LRRC1: variants seen among roughly 807,000 people sequenced by gnomAD.
LRRC1 encodes the protein leucine-rich repeat-containing protein 1.
A neutral mutation model predicts 69.9 loss-of-function variants in LRRC1; 28 were observed. The observed-to-expected ratio is 0.40, with a 90% CI of 0.30 to 0.55. LRRC1 has a LOEUF of 0.55. Among genes scored for constraint, LRRC1 ranks in the 20% least tolerant of loss-of-function variants. The probability of loss-of-function intolerance (pLI) is 0.47; values close to 1 mark genes in which losing one functional copy is unlikely to be tolerated. For synonymous variants in LRRC1, 236 were observed against 240.2 expected (o/e 0.98, Z 0.16); for missense variants, 498 against 609.0 (o/e 0.82, Z 1.92).
chr6:53,842,848 T>C (rs756030859), intron 2 of LRRC1, among the ~76,000 whole-genome samples: 1 of 152,238 alleles, frequency 6.6e-6, no homozygotes, highest in Non-Finnish European at 1.5e-5. Context: ...GTGTGGTATA[T>C]TTGTGAGTTT....
chr6:53,902,912 A>G (rs1768104857), intron 9 of LRRC1, among the ~76,000 whole-genome samples, 165 bp downstream of exon 9: 2 of 152,214 alleles, frequency 1.3e-5, no homozygotes, highest in Non-Finnish European at 2.9e-5. Context: ...TTAAGCAAAG[A>G]AAGTGGTGCT....
At chr6:53,915,002 T>A (rs1768521091) in intron 11 of LRRC1, among the ~76,000 whole-genome samples, 1 of 152,190 alleles carries the variant, frequency 6.6e-6, no homozygotes, top group South Asian at 2.1e-4. Flanking sequence ...AACAAAAATG[T>A]TAATAGTTTT....
intron 10 of LRRC1, among the ~76,000 whole-genome samples, chr6:53,910,117 C>T (rs1356579328): frequency 5.9e-5 from 9 of 152,096 alleles, no homozygotes; most frequent in Admixed American, 5.2e-4. Context: ...CAGTGCATAA[C>T]AGCTAAGGAG....
chr6:53,898,896 T>G (rs1767959027), intron 7 of LRRC1, among the ~76,000 whole-genome samples: 2 of 152,170 alleles, frequency 1.3e-5, no homozygotes, highest in Admixed American at 1.3e-4. Flanking sequence ...CACAAGATGT[T>G]TTTTGAAAAG....
chr6:53,805,180 C>T (rs936467051), intron 1 of LRRC1, among the ~76,000 whole-genome samples: 6 of 152,310 alleles, frequency 3.9e-5, no homozygotes, highest in African/African-American at 1.4e-4. Flanking sequence ...CATGAATGTG[C>T]ATGCCAAGAG....
intron 3 of LRRC1, among the ~76,000 whole-genome samples, chr6:53,881,958 T>C (rs9349685): frequency 0.2 from 31,104 of 152,254 alleles, 3,945 homozygotes; most frequent in East Asian, 0.59. Flanking sequence ...CTGTAGACTT[T>C]AAGGGACATA....
At position 53,879,068 on chromosome 6, in the gene LRRC1, C is replaced by T; in HGVS notation, c.353C>T (p.Thr118Ile). 6.2e-7 allele frequency: 1 copy of T among 1,609,128 alleles called. No individual in the cohort carries two copies. Among genetic ancestry groups the T allele is most frequent in the Non-Finnish European group, 8.5e-7 (1 of 1,175,982 alleles). The stretch of plus-strand genomic sequence containing the variant: ...GCTGACTTCAGCGGAAACCCACTGA[C>T]TAGGTAAGCTTTCTGCTTACTTTTC... Reference protein sequence around the residue: ...QVADFSGNPLTRLPESFPELQ... With the variant: ...QVADFSGNPLIRLPESFPELQ... Residue 118 changes from threonine (T) to isoleucine (I), a missense_variant, in exon 3 of 14, where the codon ACT becomes ATT. Thr to Ile is a moderately conservative substitution (Grantham distance 89). Around this residue, in one of 3 missense-constraint regions of LRRC1, gnomAD observed 266 missense variants for 383.9 expected, o/e 0.69. Transcript: ENST00000370888.
intron 1 of LRRC1, among the ~76,000 whole-genome samples, chr6:53,813,875 G>A (rs1764873643): frequency 6.6e-6 from 1 of 152,164 alleles, no homozygotes; most frequent in African/African-American, 2.4e-5. Flanking sequence ...AGCTAAATTA[G>A]TTTTTCAGTA....
At chr6:53,840,884 TTGTGTGTGTGTGTG>T (rs57491487) in intron 1 of LRRC1, among the ~76,000 whole-genome samples, 24 of 125,298 alleles carry the variant, frequency 1.9e-4, no homozygotes, top group South Asian at 8.2e-4. Flanking sequence ...GGGTATGTGT[TTGTGTGTGTGTGTG>T]TGTGTGTGTG....
intron 2 of LRRC1, among the ~76,000 whole-genome samples, chr6:53,864,752 A>C (rs1382351252): frequency 2.6e-5 from 4 of 152,052 alleles, no homozygotes. Context: ...GAGGGCTTGG[A>C]GGGAAGTAAT....
At chr6:53,862,686 T>C (rs1766569342) in intron 2 of LRRC1, among the ~76,000 whole-genome samples, 1 of 152,178 alleles carries the variant, frequency 6.6e-6, no homozygotes, top group Admixed American at 6.5e-5. Context: ...AGGAGACCCA[T>C]GCCGCTCAGC....
chr6:53,821,256 C>T (rs1239998675), intron 1 of LRRC1, among the ~76,000 whole-genome samples: 1 of 152,158 alleles, frequency 6.6e-6, no homozygotes, highest in Admixed American at 6.6e-5. Flanking sequence ...CTAGCATCTG[C>T]TTTCTCTCTA....
At chr6:53,795,537 C>A in intron 1 of LRRC1, 122 bp downstream of exon 1, 1 of 878,272 alleles carries the variant, frequency 1.1e-6, no homozygotes, top group Non-Finnish European at 1.7e-6. Context: ...CTCTTTTATG[C>A]ATTCACCTGC....
chr6:53,904,289 A>C (rs765208044), intron 9 of LRRC1, 90 bp from the exon 10 acceptor site: 13 of 740,608 alleles, frequency 1.8e-5, no homozygotes, highest in Non-Finnish European at 2.8e-5. Flanking sequence ...GGATGAGATT[A>C]TATTCTTTAG....
chr6:53,822,061 A>C lies in LRRC1; in HGVS notation c.160-20049A>C, dbSNP rs73430258. ...TACTGTACTTGTCATGTGCTGAGAGACAGTTTCTCTTTGTTGTTACCCTAG... is the reference window on the plus strand; with the variant it reads ...TACTGTACTTGTCATGTGCTGAGAGCCAGTTTCTCTTTGTTGTTACCCTAG... On this transcript the variant is annotated intron_variant, in intron 1 of 13. Coordinates refer to ENST00000370888, the MANE Select transcript of LRRC1 (RefSeq NM_018214.5). Among the ~76,000 whole-genome samples, 1,214 of 152,220 alleles carry C rather than the reference A, an allele frequency of 8.0e-3. 19 individuals carry two copies. The highest frequency in any genetic ancestry group is 0.028 in the African/African-American group (1,152 of 41,506).
chr6:53,908,755 T>A (rs961411794), intron 10 of LRRC1, among the ~76,000 whole-genome samples: 1 of 152,158 alleles, frequency 6.6e-6, no homozygotes, highest in African/African-American at 2.4e-5. Context: ...CTTTACTCTA[T>A]TAGAAGTTCT....
chr6:53,922,903 A>AT lies in LRRC1; in HGVS notation c.*111dup. On this transcript the variant is annotated 3_prime_UTR_variant, in exon 14 of 14. Coordinates refer to ENST00000370888, the MANE Select transcript of LRRC1 (RefSeq NM_018214.5). ...TTGTCCTAACCAGCCCCCGCGCGCC[A>AT]TCTTCCCGTGGAGTGTGGGGAAGCT... 9.5e-7 allele frequency: 1 copy of AT among 1,053,552 alleles called. No individual in the cohort carries two copies. The highest frequency in any genetic ancestry group is 2.4e-5 in the East Asian group (1 of 41,402). 65.3% of individuals were successfully genotyped at this position (1,053,552 alleles called of 1,614,324 possible).
intron 4 of LRRC1, among the ~76,000 whole-genome samples, chr6:53,890,292 G>A (rs568407433): frequency 1.3e-5 from 2 of 152,306 alleles, no homozygotes; most frequent in African/African-American, 4.8e-5. Flanking sequence ...TCCAGTACCC[G>A]AAACAGTTAT....
chr6:53,837,625 A>G (rs1355337354), intron 1 of LRRC1, among the ~76,000 whole-genome samples: 3 of 152,168 alleles, frequency 2.0e-5, no homozygotes, highest in Non-Finnish European at 2.9e-5. Context: ...TGTTTTCTCT[A>G]TATTGCAGAG....
Sources: allele counts gnomAD v4.1 joint callset (sites outside exome capture counted in the v4.1 genomes callset), GRCh38; gene constraint gnomAD v4.1.1; regional missense constraint gnomAD v4.1.1; transcripts MANE v1.5; gene names NCBI Gene and HGNC (gene_info 2026-07-23, HGNC 2026-07-21).